Variants in ZNF182 observed in about 807,000 individuals in gnomAD.
ZNF182 encodes zinc finger protein 21 (KOX 14).
Under a neutral mutation model 28.1 loss-of-function variants are expected in ZNF182, and 10 were observed. That is an observed-to-expected ratio of 0.36 (90% CI 0.22 to 0.60). The LOEUF is 0.60. ZNF182 is among the 20% of genes least tolerant of loss of function. ZNF182 has a pLI of 0.75. For missense variants in ZNF182, 352 were observed against 453.2 expected, an observed-to-expected ratio of 0.78 and a Z score of 2.03; for synonymous variants, 156 against 158.7, an observed-to-expected ratio of 0.98 and a Z score of 0.13.
In ZNF182 at chrX:47,977,144, C is replaced by A; in HGVS notation, c.886G>T (p.Glu296Ter). 1 of 1,209,634 alleles carries A rather than the reference C, an allele frequency of 8.3e-7. No individual in the cohort carries two copies. Among genetic ancestry groups the A allele is most frequent in the South Asian group, 1.8e-5 (1 of 56,368 alleles). ...VIIHYRTHTGEKPYECNECGK... is the reference protein window; with the variant it reads ...VIIHYRTHTG ...CATTCATTACATTCATAAGGTTTTT[C>A]TCCTGTGTGAGTCCTGTAATGTATG... Residue 296 changes from glutamate (E) to a stop codon, truncating the protein, a stop_gained, in exon 6 of 6, where the codon GAA becomes TAA. Transcript: ENST00000376943. LOFTEE classifies it high-confidence loss of function.
chrX:47,984,661 G>A (rs550035674), intron 3 of ZNF182, among the ~76,000 whole-genome samples: 1 of 111,300 alleles, frequency 9.0e-6, no homozygotes, highest in East Asian at 2.8e-4. Context: ...TTTAACCTTG[G>A]GTTAGACAAA....
intron 5 of ZNF182, among the ~76,000 whole-genome samples, chrX:47,978,580 G>A (rs1263379096): frequency 8.9e-6 from 1 of 112,307 alleles, no homozygotes; most frequent in Non-Finnish European, 1.9e-5. Context: ...ATCCATCAAA[G>A]CTTGCATTCA....
At chrX:47,983,800 G>T (rs1400093463) in intron 3 of ZNF182, among the ~76,000 whole-genome samples, 1 of 111,658 alleles carries the variant, frequency 9.0e-6, no homozygotes, top group Non-Finnish European at 1.9e-5. Context: ...AACCCCTCTA[G>T]CCACACATAA....
At chrX:47,998,807 C>T (rs191131104) in intron 3 of ZNF182, among the ~76,000 whole-genome samples, 5 of 105,352 alleles carry the variant, frequency 4.7e-5, no homozygotes, top group Middle Eastern at 4.8e-3. Flanking sequence ...TGCAGTGAGC[C>T]GAGATCGCAC....
At chrX:47,980,361 G>A (rs1173143474) in intron 5 of ZNF182, among the ~76,000 whole-genome samples, 1 of 110,253 alleles carries the variant, frequency 9.1e-6, no homozygotes, top group East Asian at 2.9e-4. Context: ...TAGATAGGAG[G>A]AATAAGTTTC....
At chrX:47,979,303 A>T (rs1286200952) in intron 5 of ZNF182, among the ~76,000 whole-genome samples, 1 of 111,845 alleles carries the variant, frequency 8.9e-6, no homozygotes, top group Non-Finnish European at 1.9e-5. Context: ...AGAGATGAAC[A>T]CAAAATCACA....
intron 3 of ZNF182, among the ~76,000 whole-genome samples, chrX:47,991,753 G>T (rs781849972): frequency 2.2e-4 from 25 of 111,132 alleles, no homozygotes; most frequent in African/African-American, 7.9e-4. Flanking sequence ...GACTTAAACA[G>T]TGGCAGGACA....
chrX:47,986,360 TA>T (rs1443190242), intron 3 of ZNF182, among the ~76,000 whole-genome samples: 9 of 112,694 alleles, frequency 8.0e-5, no homozygotes, highest in African/African-American at 2.9e-4. Context: ...ATCTTCATGT[TA>T]TTTCCTTTTT....
rs782304761 is a variant in ZNF182 at position 47,977,017 on chromosome X, T to C, written c.1013A>G (p.Gln338Arg). The C allele has an allele frequency of 4.1e-6, 5 of 1,205,107 alleles. No homozygotes were observed. In the South Asian group the frequency reaches 9.0e-5, roughly 22 times the overall value. Residue 338 changes from glutamine (Q) to arginine (R), a missense_variant, in exon 6 of 6, where the codon CAG (glutamine) becomes CGG (arginine). Gln to Arg is a conservative substitution (Grantham distance 43). Transcript: ENST00000376943. ...ATGATGTATAATTAGATCAAGCTTC[T>C]GTATGAAAGATTCTCCACATTTAGT... is the stretch of plus-strand genomic sequence containing the variant. ...ECTKCGESFIQKLDLIIHHST... is the reference protein window; with the variant it reads ...ECTKCGESFIRKLDLIIHHST...
intron 3 of ZNF182, among the ~76,000 whole-genome samples, chrX:47,991,895 C>T (rs929457614): frequency 9.0e-6 from 1 of 111,613 alleles, no homozygotes; most frequent in Admixed American, 9.5e-5. Context: ...TCCAACAACA[C>T]CAGACAAGCC....
chrX:47,985,133 A>G (rs1297685637), intron 3 of ZNF182, among the ~76,000 whole-genome samples: 1 of 112,118 alleles, frequency 8.9e-6, no homozygotes, highest in Non-Finnish European at 1.9e-5. Flanking sequence ...GTACATGAAC[A>G]TTTATATAGC....
At chrX:47,979,452 C>G (rs782108774) in intron 5 of ZNF182, among the ~76,000 whole-genome samples, 36 of 111,230 alleles carry the variant, frequency 3.2e-4, no homozygotes, top group African/African-American at 1.0e-3. Context: ...GGAGAAAATC[C>G]TGGCTCAACC....
At chrX:47,985,950 C>A (rs2146463594) in intron 3 of ZNF182, among the ~76,000 whole-genome samples, 1 of 111,882 alleles carries the variant, frequency 8.9e-6, no homozygotes, top group Non-Finnish European at 1.9e-5. Flanking sequence ...GTGACTGACC[C>A]ACACTATCAA....
chrX:47,981,578 T>C (rs782775630), intron 5 of ZNF182, among the ~76,000 whole-genome samples: 1 of 112,317 alleles, frequency 8.9e-6, no homozygotes, highest in Non-Finnish European at 1.9e-5. Context: ...AGCCAAATAA[T>C]AGATAAGAAG....
intron 3 of ZNF182, among the ~76,000 whole-genome samples, chrX:47,992,216 C>T (rs1201124433): frequency 2.7e-5 from 3 of 112,193 alleles, no homozygotes; most frequent in African/African-American, 9.7e-5. Context: ...CTGTTTGTCC[C>T]CTGTGTAGTG....
intron 3 of ZNF182, among the ~76,000 whole-genome samples, chrX:47,986,586 T>C (rs577158444): frequency 7.1e-5 from 8 of 111,940 alleles, no homozygotes; most frequent in African/African-American, 2.6e-4. Flanking sequence ...TGATAAGGGG[T>C]AGACTTATAA....
rs782238682 is a variant in ZNF182, at chrX:47,976,555, T to TC, written c.1474dup (p.Glu492GlyfsTer5). ...ACATTCATTACATTTATAGGGTTTT[T>TC]CTTCTGTATGAGTTCTTTGATGTAT... On this transcript the variant is annotated frameshift_variant, in exon 6 of 6. Coordinates refer to ENST00000376943, the MANE Select transcript of ZNF182 (RefSeq NM_001007088.2). LOFTEE classifies it high-confidence loss of function. 2.1e-5 allele frequency: 25 copies of TC among 1,206,804 alleles called. No individual in the cohort carries two copies. Among genetic ancestry groups the TC allele is most frequent in the African/African-American group, 5.3e-5 (3 of 57,112 alleles).
At chrX:47,999,684 T>C (rs781919099) in intron 3 of ZNF182, among the ~76,000 whole-genome samples, 11 of 111,974 alleles carry the variant, frequency 9.8e-5, no homozygotes, top group Non-Finnish European at 1.9e-4. Context: ...TTAGTGCATA[T>C]TTTCAAATAG....
chrX:47,999,362 C>CAAAA (rs34268696), intron 3 of ZNF182, among the ~76,000 whole-genome samples: 1 of 85,318 alleles, frequency 1.2e-5, no homozygotes, highest in Non-Finnish European at 2.3e-5. Context: ...GACTCCATCT[C>CAAAA]AAAAAAAAAA....
Sources: allele counts gnomAD v4.1 joint callset (sites outside exome capture counted in the v4.1 genomes callset), GRCh38; gene constraint gnomAD v4.1.1; transcripts MANE v1.5; gene names NCBI Gene and HGNC (gene_info 2026-07-23, HGNC 2026-07-21).